ARHGEF6: variants seen among roughly 807,000 people sequenced by gnomAD.
ARHGEF6 encodes rho guanine nucleotide exchange factor 6.
ARHGEF6 carries 9 observed loss-of-function variants against 70.3 expected under a neutral mutation model. That is an observed-to-expected ratio of 0.13 (90% CI 0.08 to 0.22). The LOEUF is 0.22. Ranked by LOEUF, ARHGEF6 falls within the 10% of genes least tolerant of loss-of-function variation. ARHGEF6 has a pLI of 1.00. For synonymous variants in ARHGEF6, 201 were observed against 207.8 expected (o/e 0.97, Z 0.28); for missense variants, 470 against 563.0 (o/e 0.83, Z 1.67).
At chrX:136,714,036 A>T (rs2076712962) in intron 6 of ARHGEF6, among the ~76,000 whole-genome samples, 1 of 112,348 alleles carries the variant, frequency 8.9e-6, no homozygotes, top group South Asian at 3.7e-4. Flanking sequence ...ATTTTTAAGC[A>T]GAGTTAAAAC....
intron 4 of ARHGEF6, 142 bp from the exon 5 acceptor site, chrX:136,743,928 A>G: frequency 1.8e-6 from 1 of 541,231 alleles, no homozygotes; most frequent in East Asian, 3.6e-5. Flanking sequence ...TAACTTAGGA[A>G]TCCATGAATG....
In ARHGEF6 at chrX:136,667,755, G is replaced by GGT; in HGVS notation, c.*273_*274insAC. The GGT allele has an allele frequency of 2.6e-6, 1 of 389,339 alleles. No homozygotes were observed. Among genetic ancestry groups the GGT allele is most frequent in the Non-Finnish European group, 4.5e-6 (1 of 221,507 alleles). The allele number at this position is 389,339 out of a possible 1,213,427, so 32.1% of individuals were successfully genotyped here. On this transcript the variant is annotated 3_prime_UTR_variant, in exon 22 of 22. Coordinates refer to ENST00000250617, the MANE Select transcript of ARHGEF6 (RefSeq NM_004840.3). ...TTTCTTACTGAATGGAAAAGACTCT[G>GGT]AGGCCATCTCTACCACCACTTCCTG...
chrX:136,745,413 A>G, intron 3 of ARHGEF6, 66 bp from the exon 4 acceptor site: 1 of 1,156,818 alleles, frequency 8.6e-7, no homozygotes, highest in African/African-American at 1.8e-5. Flanking sequence ...ACCGCATAAC[A>G]TTATCTTTCT....
intron 9 of ARHGEF6, among the ~76,000 whole-genome samples, chrX:136,691,079 C>G (rs2076453399): frequency 1.8e-5 from 2 of 111,165 alleles, no homozygotes; most frequent in Admixed American, 9.5e-5. Context: ...AAATCCCCAC[C>G]CTTAAGGAGC....
intron 12 of ARHGEF6, among the ~76,000 whole-genome samples, chrX:136,683,143 GT>G (rs1387683439): frequency 9.0e-6 from 1 of 111,685 alleles, no homozygotes; most frequent in African/African-American, 3.3e-5. Flanking sequence ...TATGCAGCCA[GT>G]GAGATGTGCT....
chrX:136,703,069 A>T (rs963583608), intron 9 of ARHGEF6, among the ~76,000 whole-genome samples: 2 of 111,894 alleles, frequency 1.8e-5, no homozygotes, highest in African/African-American at 6.5e-5. Flanking sequence ...AACCATATGC[A>T]CAAATTAACT....
chrX:136,763,932 C>T (rs1176459310), intron 2 of ARHGEF6, among the ~76,000 whole-genome samples: 1 of 111,419 alleles, frequency 9.0e-6, no homozygotes, highest in Non-Finnish European at 1.9e-5. Flanking sequence ...CAAGGGTGGA[C>T]GAGCAGTATA....
chrX:136,720,984 G>T (rs1191812024), intron 6 of ARHGEF6, among the ~76,000 whole-genome samples: 2 of 111,792 alleles, frequency 1.8e-5, no homozygotes, highest in East Asian at 5.6e-4. Flanking sequence ...TCTGGTAAAA[G>T]AAATCAAAGA....
chrX:136,694,362 C>A (rs773545832), intron 9 of ARHGEF6, among the ~76,000 whole-genome samples: 29 of 112,175 alleles, frequency 2.6e-4, no homozygotes, highest in Non-Finnish European at 4.9e-4. Context: ...CTTGTCCCTA[C>A]CACTTTTTGT....
chrX:136,755,952 T>C lies in ARHGEF6; in HGVS notation c.250-8360A>G, dbSNP rs1159993629. ...TGTCAGAGAGACTTATAAAGGTAAA[T>C]TATGCCTAGAACGTAAGCCCCATGA... On this transcript the variant is annotated intron_variant, in intron 2 of 21. Coordinates refer to ENST00000250617, the MANE Select transcript of ARHGEF6 (RefSeq NM_004840.3). Among the ~76,000 whole-genome samples the C allele has an allele frequency of 1.2e-4, 13 of 111,286 alleles. No homozygotes were observed. The Admixed American group carries it at 1.2e-3, about 11-fold the overall frequency.
intron 20 of ARHGEF6, among the ~76,000 whole-genome samples, chrX:136,670,466 T>C (rs925390014): frequency 1.8e-5 from 2 of 111,731 alleles, no homozygotes; most frequent in Non-Finnish European, 3.8e-5. Flanking sequence ...AGCCCACGCA[T>C]GCAGAGGGCC....
chrX:136,724,272 G>GTT (rs759519812), intron 6 of ARHGEF6, among the ~76,000 whole-genome samples: 1 of 108,105 alleles, frequency 9.3e-6, no homozygotes, highest in East Asian at 3.0e-4. Context: ...TAGAAGCGGG[G>GTT]TTTCACCATA....
At chrX:136,734,485 T>A (rs1011562399) in intron 5 of ARHGEF6, among the ~76,000 whole-genome samples, 1 of 112,289 alleles carries the variant, frequency 8.9e-6, no homozygotes, top group Non-Finnish European at 1.9e-5. Context: ...GCCTTATAAC[T>A]ATTAAGGAAA....
In ARHGEF6 at chrX:136,744,235, A is replaced by G. The variant is rs754339568; in HGVS notation, c.460-449T>C. 3.6e-5 allele frequency among the ~76,000 whole-genome samples: 4 copies of G among 112,199 alleles called. No individual in the cohort carries two copies. In the South Asian group the frequency reaches 1.5e-3, roughly 41 times the overall value. On this transcript the variant is annotated intron_variant, in intron 4 of 21. Coordinates refer to ENST00000250617, the MANE Select transcript of ARHGEF6 (RefSeq NM_004840.3). ...GCCTCCCATCTCCTAATTACTAAGGATATCTTAATTTGGCTAAGACTTATT... is the reference window on the plus strand; with the variant it reads ...GCCTCCCATCTCCTAATTACTAAGGGTATCTTAATTTGGCTAAGACTTATT...
intron 6 of ARHGEF6, among the ~76,000 whole-genome samples, chrX:136,717,769 T>C (rs1423087378): frequency 9.0e-6 from 1 of 111,549 alleles, no homozygotes; most frequent in Non-Finnish European, 1.9e-5. Flanking sequence ...TACCTGCGAA[T>C]ATAGTATGTA....
At chrX:136,779,552 G>T (rs752494794) in intron 1 of ARHGEF6, 55 bp from the exon 2 acceptor site, 7 of 1,043,322 alleles carry the variant, frequency 6.7e-6, no homozygotes, top group Non-Finnish European at 9.4e-6. Context: ...GCCAAGCAAA[G>T]TATACTCATC....
At chrX:136,701,702 CTTT>C (rs762628006) in intron 9 of ARHGEF6, among the ~76,000 whole-genome samples, 5 of 68,211 alleles carry the variant, frequency 7.3e-5, no homozygotes, top group African/African-American at 3.0e-4. Flanking sequence ...TTTCATTTTT[CTTT>C]TTTTTTTTTT....
chrX:136,706,854 G>A (rs1305542209), intron 9 of ARHGEF6, 54 bp downstream of exon 9: 11 of 1,199,223 alleles, frequency 9.2e-6, no homozygotes, highest in South Asian at 7.1e-5. Flanking sequence ...TCCAAATGAC[G>A]TGGTCCTAAG....
chrX:136,721,502 GC>G (rs2076797108), intron 6 of ARHGEF6, among the ~76,000 whole-genome samples: 3 of 111,516 alleles, frequency 2.7e-5, no homozygotes, highest in African/African-American at 9.8e-5. Flanking sequence ...GGCAGAGGTT[GC>G]AGTGAGCCAG....
Sources: allele counts gnomAD v4.1 joint callset (sites outside exome capture counted in the v4.1 genomes callset), GRCh38; gene constraint gnomAD v4.1.1; transcripts MANE v1.5; gene names NCBI Gene and HGNC (gene_info 2026-07-23, HGNC 2026-07-21).